Variants in COL11A1 observed in about 807,000 individuals in gnomAD.
The protein encoded by COL11A1 is collagen type XI alpha 1 chain.
COL11A1 carries 74 observed loss-of-function variants against 265.2 expected under a neutral mutation model. The observed-to-expected ratio is 0.28, with a 90% CI of 0.23 to 0.34. The LOEUF (loss-of-function observed/expected upper bound fraction) is 0.34, where lower values mean the gene tolerates loss of function less well. Ranked by LOEUF, COL11A1 falls within the 10% of genes least tolerant of loss-of-function variation. The pLI is 1.00. For synonymous variants in COL11A1, 816 were observed against 727.6 expected (o/e 1.12, Z -1.96); for missense variants, 2,165 against 2,263.6 (o/e 0.96, Z 0.88).
At chr1:102,918,307 A>G (rs1655585714) in intron 49 of COL11A1, among the ~76,000 whole-genome samples, 1 of 151,886 alleles carries the variant, frequency 6.6e-6, no homozygotes, top group Non-Finnish European at 1.5e-5. Flanking sequence ...ATAAATCTTA[A>G]GAAAATATCC....
intron 54 of COL11A1, among the ~76,000 whole-genome samples, chr1:102,908,554 A>G (rs908747603): frequency 1.3e-5 from 2 of 152,098 alleles, no homozygotes; most frequent in East Asian, 1.9e-4. Context: ...CTGTTAAATG[A>G]GCTAGATGAG....
At chr1:103,030,359 G>A (rs1318627149) in intron 5 of COL11A1, among the ~76,000 whole-genome samples, 2 of 151,862 alleles carry the variant, frequency 1.3e-5, no homozygotes, top group Admixed American at 6.6e-5. Flanking sequence ...TGAAAAATCC[G>A]ACCTGAATTC....
chr1:103,081,725 G>C (rs567051343), intron 2 of COL11A1, among the ~76,000 whole-genome samples: 3 of 151,858 alleles, frequency 2.0e-5, no homozygotes, highest in African/African-American at 7.2e-5. Context: ...TATGAAGATA[G>C]GAAACTCAAA....
rs1458197167 is a variant in COL11A1 at position 102,997,097 on chromosome 1, C to G, written c.2224G>C (p.Gly742Arg). 6.2e-7 allele frequency: 1 copy of G among 1,611,882 alleles called. No homozygotes were observed. The highest frequency in any genetic ancestry group is 1.3e-5 in the African/African-American group (1 of 74,806). The change falls in exon 26 of 67, where the codon GGA (glycine) becomes CGA (arginine). Residue 742 changes from glycine to arginine, a missense_variant. Coordinates refer to ENST00000370096, the MANE Select transcript of COL11A1 (RefSeq NM_001854.4). Reference sequence around the variant, plus strand: ...GAACCTACCAGAGCCCCCTTTTCTCCAGACTGGCCTTCTTTCCCAGGATGA... The same window carrying G: ...GAACCTACCAGAGCCCCCTTTTCTCGAGACTGGCCTTCTTTCCCAGGATGA... ...PGHPGKEGQS[G>R]EKGALGPPGP...
chr1:103,009,749 T>C (rs1005706508), intron 14 of COL11A1, among the ~76,000 whole-genome samples: 1 of 152,182 alleles, frequency 6.6e-6, no homozygotes, highest in African/African-American at 2.4e-5. Context: ...AGTCTCCTGG[T>C]GACTCCAAAG....
chr1:103,027,433 A>G (rs1350720421), intron 5 of COL11A1, among the ~76,000 whole-genome samples: 4 of 78,846 alleles, frequency 5.1e-5, no homozygotes, highest in Non-Finnish European at 1.1e-4. Flanking sequence ...ATATATATAT[A>G]TATATATATA....
chr1:103,026,321 C>T lies in COL11A1; in HGVS notation c.792G>A (p.Glu264=), dbSNP rs755887906. ...ACTCATAGTCATATTCGATTATATC[C>T]TCTGGTGCATACTACATTGCAAAGG... The part of the protein sequence containing the change: ...QEPQIDEYAP[E]DIIEYDYEYG... Residue 264 remains glutamate, a synonymous_variant, in exon 6 of 67, where the codon GAG becomes GAA. Coordinates refer to ENST00000370096, the MANE Select transcript of COL11A1 (RefSeq NM_001854.4). The T allele has an allele frequency of 1.7e-5, 28 of 1,610,398 alleles. No homozygotes were observed. Among genetic ancestry groups the T allele is most frequent in the Non-Finnish European group, 2.1e-5 (25 of 1,176,796 alleles).
chr1:102,912,287 A>T (rs1654781297), intron 53 of COL11A1, 75 bp from the exon 54 acceptor site: 3 of 1,162,026 alleles, frequency 2.6e-6, no homozygotes, highest in African/African-American at 1.5e-5. Context: ...CAAAATCTGG[A>T]TGGAAACCAA....
chr1:102,987,692 G>C lies in COL11A1; in HGVS notation c.2443C>G (p.Pro815Ala), dbSNP rs1432642387. 1 of 1,613,516 alleles carries C rather than the reference G, an allele frequency of 6.2e-7. No individual in the cohort carries two copies. The highest frequency in any genetic ancestry group is 1.3e-5 in the African/African-American group (1 of 74,944). The stretch of plus-strand genomic sequence containing the variant: ...CCAGTTGGGCCTGCTCGACCTTTGG[G>C]TCCTTCAGGGCCATCTTCCCCTCTT... The part of the protein sequence containing the change: ...GPRGEDGPEG[P>A]KGRAGPTGDP... Residue 815 changes from proline (P) to alanine (A), a missense_variant, in exon 30 of 67, where the codon CCC becomes GCC. Transcript: ENST00000370096.
intron 14 of COL11A1, among the ~76,000 whole-genome samples, chr1:103,012,181 C>T (rs1666186242): frequency 6.6e-6 from 1 of 152,070 alleles, no homozygotes; most frequent in African/African-American, 2.4e-5. Flanking sequence ...GGATATGACT[C>T]AATTACATTT....
intron 54 of COL11A1, among the ~76,000 whole-genome samples, chr1:102,910,689 T>C (rs1303627802): frequency 6.6e-6 from 1 of 152,084 alleles, no homozygotes; most frequent in Non-Finnish European, 1.5e-5. Flanking sequence ...TTTTATTGTG[T>C]TACATGATTT....
intron 54 of COL11A1, among the ~76,000 whole-genome samples, chr1:102,904,253 C>T (rs1270976272): frequency 6.6e-6 from 1 of 152,130 alleles, no homozygotes. Context: ...AAATGTTAGA[C>T]CTAAAACCAT....
chr1:102,898,987 G>T lies in COL11A1; in HGVS notation c.4094C>A (p.Pro1365His). ...TCTTCCCTCTGCACCTGCAGCTCCA[G>T]GAGGACCCTATAGACATAAGATTTA... ...PPGPPGKRGP[P>H]GAAGAEGRQG... The change falls in exon 55 of 67, where the codon CCT becomes CAT. Residue 1365 changes from proline to histidine, a missense_variant. By Grantham distance (77) the Pro-to-His change is moderately conservative. Coordinates refer to ENST00000370096, the MANE Select transcript of COL11A1 (RefSeq NM_001854.4). 1 of 1,551,814 alleles carries T rather than the reference G, an allele frequency of 6.4e-7. No homozygotes were observed. Among genetic ancestry groups the T allele is most frequent in the Non-Finnish European group, 8.8e-7 (1 of 1,141,514 alleles).
intron 4 of COL11A1, among the ~76,000 whole-genome samples, chr1:103,061,266 A>T (rs977949945): frequency 6.6e-6 from 1 of 152,182 alleles, no homozygotes. Flanking sequence ...AATCTAATAG[A>T]TATGGAAGGA....
chr1:102,913,332 T>G (rs145869160), intron 53 of COL11A1, among the ~76,000 whole-genome samples: 91 of 152,326 alleles, frequency 6.0e-4, no homozygotes, highest in African/African-American at 2.2e-3. Context: ...CTTTTAGTAT[T>G]ATTAGTGATT....
intron 1 of COL11A1, among the ~76,000 whole-genome samples, chr1:103,104,468 T>C (rs1218913877): frequency 3.3e-5 from 5 of 152,156 alleles, no homozygotes; most frequent in Admixed American, 6.5e-5. Context: ...TTACCAATTA[T>C]GTTATGCAAA....
chr1:103,065,863 T>C (rs906899529), intron 4 of COL11A1, among the ~76,000 whole-genome samples: 1 of 151,780 alleles, frequency 6.6e-6, no homozygotes, highest in Non-Finnish European at 1.5e-5. Context: ...CTGAAGTCAA[T>C]CTACTGAAAA....
At chr1:102,971,331 C>T (rs959010662) in intron 36 of COL11A1, among the ~76,000 whole-genome samples, 9 of 152,122 alleles carry the variant, frequency 5.9e-5, no homozygotes, top group Non-Finnish European at 1.0e-4. Flanking sequence ...ATTTTAAATA[C>T]TTAGTAGAAA....
intron 54 of COL11A1, among the ~76,000 whole-genome samples, chr1:102,908,857 CA>C (rs1444634918): frequency 6.6e-6 from 1 of 151,976 alleles, no homozygotes; most frequent in Non-Finnish European, 1.5e-5. Context: ...ACATTTTAAT[CA>C]GGGGAGTTAA....
Sources: allele counts gnomAD v4.1 joint callset (sites outside exome capture counted in the v4.1 genomes callset), GRCh38; gene constraint gnomAD v4.1.1; transcripts MANE v1.5; gene names NCBI Gene and HGNC (gene_info 2026-07-23, HGNC 2026-07-21).